DLG2: variants seen among roughly 807,000 people sequenced by gnomAD.
DLG2 encodes disks large homolog 2.
A neutral mutation model predicts 132.5 loss-of-function variants in DLG2; 45 were observed. The ratio of observed to expected loss-of-function variants is 0.34; its 90% CI spans 0.27 to 0.44. DLG2 has a LOEUF of 0.44. Among genes scored for constraint, DLG2 ranks in the 20% least tolerant of loss-of-function variants. DLG2 has a pLI of 1.00. For missense variants in DLG2, 1,045 were observed against 1,196.9 expected, an observed-to-expected ratio of 0.87 and a Z score of 1.87; for synonymous variants, 424 against 419.6, an observed-to-expected ratio of 1.01 and a Z score of -0.13.
chr11:84,960,103 C>T (rs2052332185), intron 6 of DLG2, among the ~76,000 whole-genome samples: 1 of 152,176 alleles, frequency 6.6e-6, no homozygotes, highest in Non-Finnish European at 1.5e-5. Flanking sequence ...GATGAAGACA[C>T]TAAACTTAGA....
intron 3 of DLG2, among the ~76,000 whole-genome samples, chr11:85,512,738 T>A (rs926069857): frequency 2.0e-5 from 3 of 152,244 alleles, no homozygotes; most frequent in African/African-American, 7.2e-5. Context: ...TATACACTAT[T>A]GGTGGGAATG....
chr11:84,889,573 G>C (rs946921414), intron 6 of DLG2, among the ~76,000 whole-genome samples: 1 of 152,142 alleles, frequency 6.6e-6, no homozygotes, highest in African/African-American at 2.4e-5. Context: ...AGGGTAAATA[G>C]GGGATGGTGT....
At chr11:84,088,957 GGAAGCACTA>G (rs1360908144) in intron 10 of DLG2, among the ~76,000 whole-genome samples, 3 of 152,098 alleles carry the variant, frequency 2.0e-5, no homozygotes, top group African/African-American at 7.2e-5. Context: ...ACTTGGATTT[GGAAGCACTA>G]GAAGTCTCTG....
intron 4 of DLG2, among the ~76,000 whole-genome samples, chr11:85,269,892 G>A (rs2077421512): frequency 6.6e-6 from 1 of 151,998 alleles, no homozygotes; most frequent in South Asian, 2.1e-4. Context: ...TAAAATAATA[G>A]TAATAATAAT....
At chr11:85,462,628 A>G (rs957794401) in intron 3 of DLG2, among the ~76,000 whole-genome samples, 7 of 152,012 alleles carry the variant, frequency 4.6e-5, no homozygotes, top group Non-Finnish European at 8.8e-5. Context: ...AGGAAGGGGA[A>G]CATCACACAC....
chr11:84,894,279 A>T lies in DLG2; in HGVS notation c.357+217382T>A, dbSNP rs531202039. ...GTATGTTCCTAGGAGGACAGTATTT[A>T]AAAAGCAGAAATCTTATCTTGCCTT... On this transcript the variant is annotated intron_variant, in intron 6 of 27. Transcript: ENST00000376104. Among the ~76,000 whole-genome samples, 3 of 152,272 alleles carry T rather than the reference A, an allele frequency of 2.0e-5. No individual in the cohort carries two copies. The South Asian group carries it at 6.2e-4, about 32-fold the overall frequency.
intron 3 of DLG2, among the ~76,000 whole-genome samples, chr11:85,326,226 A>G (rs1460704887): frequency 7.6e-6 from 1 of 132,074 alleles, no homozygotes; most frequent in Non-Finnish European, 1.6e-5. Context: ...GAACTTCCCC[A>G]ATCTAGCAAG....
chr11:85,249,254 G>A (rs2076281932), intron 4 of DLG2, among the ~76,000 whole-genome samples: 1 of 151,796 alleles, frequency 6.6e-6, no homozygotes, highest in African/African-American at 2.4e-5. Context: ...GGAAACTAAT[G>A]ATATTTACAT....
At chr11:83,605,877 T>G (rs1185724728) in intron 19 of DLG2, among the ~76,000 whole-genome samples, 1 of 152,242 alleles carries the variant, frequency 6.6e-6, no homozygotes, top group Non-Finnish European at 1.5e-5. Context: ...TATCAAGCCA[T>G]GAAAGGTAGC....
chr11:85,343,782 G>A (rs2082657354), intron 3 of DLG2, among the ~76,000 whole-genome samples: 1 of 152,164 alleles, frequency 6.6e-6, no homozygotes. Flanking sequence ...AAAACCTTCT[G>A]AAGTGCAATG....
intron 8 of DLG2, among the ~76,000 whole-genome samples, chr11:84,217,666 T>G (rs184898541): frequency 4.9e-4 from 75 of 152,352 alleles, no homozygotes; most frequent in African/African-American, 1.8e-3. Flanking sequence ...ATTTCAGGCG[T>G]GTTAACTTCA....
intron 6 of DLG2, among the ~76,000 whole-genome samples, chr11:84,667,643 C>G (rs2099701328): frequency 6.6e-6 from 1 of 151,572 alleles, no homozygotes; most frequent in Admixed American, 6.6e-5. Flanking sequence ...AATACAGGCA[C>G]CCACCACCAC....
intron 17 of DLG2, among the ~76,000 whole-genome samples, chr11:83,804,554 TTACC>T (rs1489395874): frequency 1.6e-5 from 2 of 124,998 alleles, no homozygotes; most frequent in East Asian, 2.5e-4. Context: ...CTCTCTCCAC[TTACC>T]TACCTATCTG....
chr11:83,666,160 G>A (rs1209540575), intron 18 of DLG2, among the ~76,000 whole-genome samples: 1 of 152,120 alleles, frequency 6.6e-6, no homozygotes, highest in Non-Finnish European at 1.5e-5. Context: ...TCTGCCCTTT[G>A]CAGTTATAAA....
At chr11:84,559,642 G>T (rs545092825) in intron 6 of DLG2, among the ~76,000 whole-genome samples, 2 of 152,152 alleles carry the variant, frequency 1.3e-5, no homozygotes, top group South Asian at 2.1e-4. Flanking sequence ...CTAATTAAAA[G>T]CTTCAACATG....
At chr11:84,736,474 G>A (rs1019490144) in intron 6 of DLG2, among the ~76,000 whole-genome samples, 1 of 151,872 alleles carries the variant, frequency 6.6e-6, no homozygotes. Context: ...GATAAGGTTA[G>A]AGAGAATGAA....
At chr11:85,003,611 A>G (rs937071322) in intron 6 of DLG2, among the ~76,000 whole-genome samples, 4 of 152,158 alleles carry the variant, frequency 2.6e-5, no homozygotes, top group Non-Finnish European at 4.4e-5. Flanking sequence ...TGTTAAGGGT[A>G]TATTACTTCA....
intron 7 of DLG2, among the ~76,000 whole-genome samples, chr11:84,328,369 C>T (rs1435915367): frequency 6.6e-6 from 1 of 152,020 alleles, no homozygotes; most frequent in Admixed American, 6.6e-5. Context: ...TGAGGAAATA[C>T]ATCTCTTTAA....
At chr11:84,737,703 T>C (rs1257421917) in intron 6 of DLG2, among the ~76,000 whole-genome samples, 1 of 151,962 alleles carries the variant, frequency 6.6e-6, no homozygotes, top group Non-Finnish European at 1.5e-5. Flanking sequence ...CTCTCAGTAG[T>C]GCAGGCAACA....
Sources: allele counts gnomAD v4.1 joint callset (sites outside exome capture counted in the v4.1 genomes callset), GRCh38; gene constraint gnomAD v4.1.1; transcripts MANE v1.5; gene names NCBI Gene and HGNC (gene_info 2026-07-23, HGNC 2026-07-21).